Variants in RERE observed in about 807,000 individuals in gnomAD.
RERE encodes arginine-glutamic acid dipeptide repeats protein.
RERE carries 40 observed loss-of-function variants against 146.1 expected under a neutral mutation model. That is an observed-to-expected ratio of 0.27 (90% confidence interval 0.21 to 0.36). RERE has a LOEUF of 0.36. RERE is among the 10% of genes least tolerant of loss of function. The pLI is 1.00. For missense variants in RERE, 1,933 were observed against 2,138.7 expected (o/e 0.90, Z 1.90); for synonymous variants, 1,003 against 866.0 (o/e 1.16, Z -2.78).
intron 4 of RERE, among the ~76,000 whole-genome samples, chr1:8,568,502 C>G (rs1570449705): frequency 6.6e-6 from 1 of 152,214 alleles, no homozygotes; most frequent in African/African-American, 2.4e-5. Flanking sequence ...AGCCTGATAA[C>G]TCATTAATTC....
chr1:8,384,437 A>T (rs1234618365), intron 12 of RERE, among the ~76,000 whole-genome samples: 2 of 152,204 alleles, frequency 1.3e-5, no homozygotes, highest in African/African-American at 2.4e-5. Context: ...TTAAAGGGGC[A>T]TTAATAAGAA....
At chr1:8,559,185 C>G (rs1205155850) in intron 4 of RERE, among the ~76,000 whole-genome samples, 1 of 145,352 alleles carries the variant, frequency 6.9e-6, no homozygotes, top group African/African-American at 2.6e-5. Context: ...GAGGCTGAGG[C>G]AGGAGAATTG....
chr1:8,687,225 C>G (rs1406921920), intron 1 of RERE, among the ~76,000 whole-genome samples: 2 of 152,044 alleles, frequency 1.3e-5, no homozygotes, highest in African/African-American at 4.8e-5. Flanking sequence ...TGTGAGAGGG[C>G]ACGGGTGGCG....
intron 4 of RERE, among the ~76,000 whole-genome samples, chr1:8,605,150 T>C (rs534590598): frequency 6.6e-6 from 1 of 152,262 alleles, no homozygotes; most frequent in Admixed American, 6.5e-5. Context: ...TTCTTTTTTT[T>C]CCCGCAAGAC....
Position 8,614,645 on chromosome 1 carries a change from A to G in RERE, c.438T>C (p.Ala146=), listed in dbSNP as rs1295981900. The change falls in exon 4 of 23, where the codon GCT becomes GCC. Residue 146 remains alanine, a synonymous_variant. Transcript: ENST00000400908. The part of the protein sequence containing the change: ...SQACCRSPTP[A]LCDPPACSLP... ...GAGAGCATGCTGGGGGGTCACACAA[A>G]GCAGGAGTTGGAGATCTGCAACAGG... 1 of 1,613,070 alleles carries G rather than the reference A, an allele frequency of 6.2e-7. No individual in the cohort carries two copies. The highest frequency in any genetic ancestry group is 1.7e-5 in the Admixed American group (1 of 59,886).
rs547300975 is a variant in RERE, at chr1:8,545,886, T to G, written c.726-4568A>C. Among the ~76,000 whole-genome samples, 67 of 150,206 alleles carry G rather than the reference T, an allele frequency of 4.5e-4. 1 individual carries two copies. The East Asian group carries it at 0.01, about 23-fold the overall frequency. ...TTTTAGTAGAGACGAGGTTTCACTGTGTTGGCCAGGATTGTCTTGATCTCC... is the reference window on the plus strand; with the variant it reads ...TTTTAGTAGAGACGAGGTTTCACTGGGTTGGCCAGGATTGTCTTGATCTCC... On this transcript the variant is annotated intron_variant, in intron 6 of 22. Coordinates refer to ENST00000400908, the MANE Select transcript of RERE (RefSeq NM_001042681.2).
intron 1 of RERE, among the ~76,000 whole-genome samples, chr1:8,691,156 A>G (rs893301166): frequency 6.6e-6 from 1 of 152,120 alleles, no homozygotes. Flanking sequence ...TCCACCTCCC[A>G]AAGTGCTGGG....
chr1:8,637,266 C>G (rs1386586430), intron 2 of RERE, among the ~76,000 whole-genome samples: 2 of 152,146 alleles, frequency 1.3e-5, no homozygotes, highest in Non-Finnish European at 2.9e-5. Context: ...TAGCACGACT[C>G]TACTATAAGG....
chr1:8,513,969 A>G (rs370774303), intron 7 of RERE, among the ~76,000 whole-genome samples: 82 of 152,338 alleles, frequency 5.4e-4, no homozygotes, highest in East Asian at 2.7e-3. Context: ...CATTGGTTTT[A>G]TAGAGAATGT....
chr1:8,452,699 CAA>C (rs1644403073), intron 11 of RERE, among the ~76,000 whole-genome samples: 1 of 152,120 alleles, frequency 6.6e-6, no homozygotes, highest in Non-Finnish European at 1.5e-5. Flanking sequence ...GCCCTGCACA[CAA>C]GAGTAGGAAT....
chr1:8,408,488 T>C (rs537746348), intron 12 of RERE, among the ~76,000 whole-genome samples: 1 of 152,276 alleles, frequency 6.6e-6, no homozygotes, highest in East Asian at 1.9e-4. Context: ...AAACCCAGCA[T>C]GTGGAAACTG....
At chr1:8,501,540 G>T (rs1335634264) in intron 8 of RERE, among the ~76,000 whole-genome samples, 2 of 120,336 alleles carry the variant, frequency 1.7e-5, no homozygotes, top group Non-Finnish European at 3.5e-5. Context: ...GAGGTGAGGG[G>T]CGCCTCTGCC....
intron 4 of RERE, among the ~76,000 whole-genome samples, chr1:8,560,612 C>T (rs866822185): frequency 2.6e-5 from 4 of 152,054 alleles, no homozygotes; most frequent in Non-Finnish European, 4.4e-5. Context: ...AAAGGAGATA[C>T]TGAAATCTAC....
At chr1:8,538,143 G>A (rs1431706716) in intron 7 of RERE, among the ~76,000 whole-genome samples, 1 of 152,128 alleles carries the variant, frequency 6.6e-6, no homozygotes, top group Non-Finnish European at 1.5e-5. Flanking sequence ...AATTTCCAGT[G>A]GACTTTCCTA....
intron 1 of RERE, among the ~76,000 whole-genome samples, chr1:8,742,842 T>A (rs1210896032): frequency 1.4e-5 from 2 of 143,914 alleles, no homozygotes; most frequent in Non-Finnish European, 3.0e-5. Context: ...CATTCCAGCC[T>A]GGGTGACAGA....
Position 8,761,682 on chromosome 1 carries a change from T to A in RERE, c.-145+55478A>T, listed in dbSNP as rs1472620737. Among the ~76,000 whole-genome samples the A allele has an allele frequency of 3.3e-5, 5 of 151,382 alleles. No individual in the cohort carries two copies. The East Asian group carries it at 9.8e-4, about 30-fold the overall frequency. Reference sequence around the variant, plus strand: ...CCTGTAATCCCAGCATTTTGGGAGGTCGAGGCAGGCAGATCACCTAAGGTC... The same window carrying A: ...CCTGTAATCCCAGCATTTTGGGAGGACGAGGCAGGCAGATCACCTAAGGTC... On this transcript the variant is annotated intron_variant, in intron 1 of 22. Transcript: ENST00000400908.
intron 1 of RERE, among the ~76,000 whole-genome samples, chr1:8,811,060 T>C (rs1641797686): frequency 6.6e-6 from 1 of 152,196 alleles, no homozygotes; most frequent in Admixed American, 6.5e-5. Flanking sequence ...GAATAAGCTA[T>C]CAAAATCAAC....
chr1:8,402,187 G>C lies in RERE; in HGVS notation c.1284+20540C>G, dbSNP rs141916026. 1.5e-4 allele frequency among the ~76,000 whole-genome samples: 23 copies of C among 152,280 alleles called. No individual in the cohort carries two copies. The East Asian group carries it at 4.4e-3, about 29-fold the overall frequency. On this transcript the variant is annotated intron_variant, in intron 12 of 22. Coordinates refer to ENST00000400908, the MANE Select transcript of RERE (RefSeq NM_001042681.2). ...CGGCCAACGCTGTGTAACTTCTAAGGCTAGGTCAGAAATGGCCACAGAACG... is the reference window on the plus strand; with the variant it reads ...CGGCCAACGCTGTGTAACTTCTAAGCCTAGGTCAGAAATGGCCACAGAACG...
intron 4 of RERE, among the ~76,000 whole-genome samples, chr1:8,580,686 C>A (rs1440799927): frequency 6.6e-6 from 1 of 152,088 alleles, no homozygotes; most frequent in African/African-American, 2.4e-5. Flanking sequence ...CCTCACCCTA[C>A]CCATAGAAAA....
Sources: gnomAD v4.1 joint callset for allele counts (sites outside exome capture counted in the v4.1 genomes callset) on GRCh38, gnomAD v4.1.1 for gene constraint, MANE v1.5 for transcripts, NCBI Gene and HGNC (gene_info 2026-07-23, HGNC 2026-07-21) for gene names.